The following ANK2 variants were observed in gnomAD, a reference collection of about 807,000 sequenced individuals.
ANK2 encodes ankyrin-2.
In ANK2, 83 loss-of-function variants were observed where a neutral mutation model predicts 360.5. That is an observed-to-expected ratio of 0.23 (90% CI 0.19 to 0.28). The LOEUF (loss-of-function observed/expected upper bound fraction) is 0.28. ANK2 is among the 10% of genes least tolerant of loss of function. The probability of loss-of-function intolerance (pLI) is 1.00; values close to 1 mark genes in which losing one functional copy is unlikely to be tolerated. For synonymous variants in ANK2, 1,740 were observed against 1,759.5 expected (o/e 0.99, Z 0.28); for missense variants, 4,201 against 4,795.7 (o/e 0.88, Z 3.66).
intron 1 of ANK2, among the ~76,000 whole-genome samples, chr4:112,839,162 G>A (rs2061589527): frequency 1.3e-5 from 2 of 152,172 alleles, no homozygotes. Flanking sequence ...GCCTTTCTCA[G>A]CATTACCTCA....
At chr4:113,053,522 C>A (rs1416309139) in intron 1 of ANK2, among the ~76,000 whole-genome samples, 1 of 152,142 alleles carries the variant, frequency 6.6e-6, no homozygotes, top group African/African-American at 2.4e-5. Context: ...TAAAAAGAAG[C>A]ATTGGTAGCT....
chr4:112,781,205 T>G, the ANK2 span, among the ~76,000 whole-genome samples: 4 of 152,174 alleles, frequency 2.6e-5, no homozygotes, highest in Non-Finnish European at 5.9e-5. Flanking sequence ...TTGCCTAGGC[T>G]GGTCTCAAAC....
the ANK2 span, among the ~76,000 whole-genome samples, chr4:112,737,870 A>G: frequency 3.9e-5 from 6 of 152,310 alleles, no homozygotes; most frequent in African/African-American, 1.4e-4. Flanking sequence ...GCACAGGACA[A>G]CTTTAGCTGT....
At position 113,358,132 on chromosome 4, in the gene ANK2, A is replaced by G; in HGVS notation, c.9514A>G (p.Lys3172Glu). The change falls in exon 38 of 46, where the codon AAA becomes GAA. Residue 3172 changes from lysine (K) to glutamate (E), a missense_variant. Lys to Glu is a moderately conservative substitution (Grantham distance 56). Around this residue, in one of 4 missense-constraint regions of ANK2, gnomAD observed 2,642 missense variants for 2,714.5 expected, o/e 0.97. Transcript: ENST00000357077. ...TGAATCACTAGCACTTTCAGAATCA[A>G]AAGAAACAGTGGATGATGAGGCAGA... Reference protein sequence around the residue: ...SAESLALSESKETVDDEADLL... With the variant: ...SAESLALSESEETVDDEADLL... The G allele has an allele frequency of 6.2e-7, 1 of 1,614,104 alleles. No homozygotes were observed. Among genetic ancestry groups the G allele is most frequent in the African/African-American group, 1.3e-5 (1 of 75,046 alleles).
chr4:112,750,293 G>C, the ANK2 span, among the ~76,000 whole-genome samples: 5 of 152,028 alleles, frequency 3.3e-5, no homozygotes, highest in Non-Finnish European at 7.4e-5. Context: ...TCTGGGAGGT[G>C]GAGGTTGCAG....
At chr4:113,151,214 G>A (rs2097067311) in intron 1 of ANK2, 2 of 1,081,916 alleles carry the variant, frequency 1.8e-6, no homozygotes, top group South Asian at 2.8e-5. Flanking sequence ...AAAAAGGAAT[G>A]TACCCTTACT....
At chr4:112,925,268 GA>G (rs1399265185) in intron 2 of ANK2, among the ~76,000 whole-genome samples, 1 of 152,104 alleles carries the variant, frequency 6.6e-6, no homozygotes, top group Non-Finnish European at 1.5e-5. Context: ...AAATGTACAA[GA>G]AAGAAAAGAG....
the ANK2 span, among the ~76,000 whole-genome samples, chr4:112,750,500 C>CAGTT: frequency 6.6e-6 from 1 of 151,954 alleles, no homozygotes; most frequent in African/African-American, 2.4e-5. Flanking sequence ...ACATGCTGTA[C>CAGTT]AGTTTGTAGC....
Position 112,839,530 on chromosome 4 carries a change from C to T in ANK2, c.-40+21266C>T, listed in dbSNP as rs564643190. On this transcript the variant is annotated intron_variant, in intron 1 of 30. Transcript: ENST00000503271. The stretch of plus-strand genomic sequence containing the variant: ...ATGATACCAAATATTTTGACAAATT[C>T]GAATGGTTTTCCTAATGTATTAAGG... 5.9e-5 allele frequency among the ~76,000 whole-genome samples: 9 copies of T among 152,160 alleles called. No homozygotes were observed. The East Asian group carries it at 9.6e-4, about 16-fold the overall frequency.
At chr4:113,211,001 A>G (rs1349862364) in intron 4 of ANK2, among the ~76,000 whole-genome samples, 1 of 152,244 alleles carries the variant, frequency 6.6e-6, no homozygotes. Context: ...AATAAAGAAT[A>G]TCAGAAAGAA....
intron 2 of ANK2, among the ~76,000 whole-genome samples, chr4:112,997,905 CTA>C (rs1428364132): frequency 3.8e-5 from 5 of 132,734 alleles, no homozygotes; most frequent in Admixed American, 1.5e-4. Context: ...GAATTTTGGG[CTA>C]TTTTTTTTTT....
the ANK2 span, among the ~76,000 whole-genome samples, chr4:112,804,391 A>G: frequency 6.6e-6 from 1 of 152,158 alleles, no homozygotes; most frequent in East Asian, 1.9e-4. Context: ...TTGATTTTCT[A>G]TTTATGAGCA....
intron 2 of ANK2, among the ~76,000 whole-genome samples, chr4:113,176,363 A>T: frequency 6.6e-6 from 1 of 152,136 alleles, no homozygotes; most frequent in Non-Finnish European, 1.5e-5. Context: ...CTTAACACTG[A>T]CCTATGGAAT....
At chr4:112,765,749 G>A in the ANK2 span, among the ~76,000 whole-genome samples, 4 of 149,508 alleles carry the variant, frequency 2.7e-5, no homozygotes, top group East Asian at 8.0e-4. Context: ...TGTGTTGTCA[G>A]GGTCTGTCTT....
the ANK2 span, among the ~76,000 whole-genome samples, chr4:112,714,029 T>C: frequency 6.6e-6 from 1 of 152,250 alleles, no homozygotes; most frequent in African/African-American, 2.4e-5. Flanking sequence ...AGAGTTCTTA[T>C]TGCTCTGCGT....
At chr4:112,774,912 C>T in the ANK2 span, among the ~76,000 whole-genome samples, 1 of 152,142 alleles carries the variant, frequency 6.6e-6, no homozygotes, top group African/African-American at 2.4e-5. Flanking sequence ...AAAAATAATA[C>T]TTGTGGGCAA....
At chr4:112,750,436 T>C in the ANK2 span, among the ~76,000 whole-genome samples, 1 of 152,196 alleles carries the variant, frequency 6.6e-6, no homozygotes, top group Non-Finnish European at 1.5e-5. Context: ...GATACACAAA[T>C]ACTTACCATT....
At chr4:113,063,438 A>T (rs1052260996) in intron 1 of ANK2, among the ~76,000 whole-genome samples, 10 of 152,096 alleles carry the variant, frequency 6.6e-5, no homozygotes, top group Non-Finnish European at 1.2e-4. Flanking sequence ...TTCTTTAATG[A>T]TGTGCATTTG....
In ANK2 at chr4:113,369,733, C is replaced by T. The variant is rs45602336; in HGVS notation, c.11538C>T (p.Leu3846=). ...AGAGCTCTCCGCGGAAAACCAGCCT[C>T]GTAATAGTGGAGTCTGCCGATAACC... ...REESSPRKTS[L]VIVESADNQP... Residue 3846 remains leucine (L), a synonymous_variant, in exon 43 of 46, where the codon CTC becomes CTT. Coordinates refer to ENST00000357077, the MANE Select transcript of ANK2 (RefSeq NM_001148.6). 381 of 1,614,126 alleles carry T rather than the reference C, an allele frequency of 2.4e-4. 1 individual carries two copies. Among genetic ancestry groups the T allele is most frequent in the African/African-American group, 2.3e-3 (175 of 75,042 alleles).
Sources: gnomAD v4.1 joint callset for allele counts (sites outside exome capture counted in the v4.1 genomes callset) on GRCh38, gnomAD v4.1.1 for gene constraint, gnomAD v4.1.1 regional missense constraint, MANE v1.5 for transcripts, NCBI Gene and HGNC (gene_info 2026-07-23, HGNC 2026-07-21) for gene names.